Variants in HSPG2 observed in about 807,000 individuals in gnomAD.
HSPG2 encodes the protein heparan sulfate proteoglycan 2, also known as basement membrane-specific heparan sulfate proteoglycan core protein.
HSPG2 carries 278 observed loss-of-function variants against 526.6 expected under a neutral mutation model. The observed-to-expected ratio is 0.53, with a 90% CI of 0.48 to 0.58. The LOEUF (loss-of-function observed/expected upper bound fraction) is 0.58. Among genes scored for constraint, HSPG2 ranks in the 20% least tolerant of loss-of-function variants. The pLI is 0.00. For missense variants in HSPG2, 5,354 were observed against 6,099.5 expected (o/e 0.88, Z 4.07); for synonymous variants, 2,465 against 2,555.4 (o/e 0.96, Z 1.07).
rs1440244224 is a variant in HSPG2 at position 21,829,464 on chromosome 1, C to G, written c.11911G>C (p.Gly3971Arg). ...AAGTCCTCCACAGGCCCGCTCTTCCCCCCGCTGAACAGCAGGACCCCGTCA... is the reference window on the plus strand; with the variant it reads ...AAGTCCTCCACAGGCCCGCTCTTCCGCCCGCTGAACAGCAGGACCCCGTCA... Reference protein sequence around the residue: ...APDGVLLFSGGKSGPVEDFVS... With the variant: ...APDGVLLFSGRKSGPVEDFVS... Residue 3971 changes from glycine (G) to arginine (R), a missense_variant, in exon 87 of 97, where the codon GGG becomes CGG. Coordinates refer to ENST00000374695, the MANE Select transcript of HSPG2 (RefSeq NM_005529.7). 1.2e-6 allele frequency: 2 copies of G among 1,613,360 alleles called. No individual in the cohort carries two copies. The highest frequency in any genetic ancestry group is 1.7e-5 in the Admixed American group (1 of 60,026).
At chr1:21,830,690 CAAAAA>C (rs145627267) in intron 85 of HSPG2, 151 of 109,980 alleles carry the variant, frequency 1.4e-3, no homozygotes, top group South Asian at 2.8e-3. Flanking sequence ...AACTTCGTCT[CAAAAA>C]AAAAAAAAAA....
rs1460735170 is a variant in HSPG2, at chr1:21,822,440, C to T, written c.*876G>A. The stretch of plus-strand genomic sequence containing the variant: ...CCTCCTCTCTCTCTCAGTCGTGAGT[C>T]CTGCCTTCCCCCACCTAAGGCACTA... On this transcript the variant is annotated 3_prime_UTR_variant, in exon 97 of 97. Coordinates refer to ENST00000374695, the MANE Select transcript of HSPG2 (RefSeq NM_005529.7). 1 of 574,482 alleles carries T rather than the reference C, an allele frequency of 1.7e-6. No homozygotes were observed. Among genetic ancestry groups the T allele is most frequent in the Non-Finnish European group, 3.1e-6 (1 of 320,042 alleles). The allele number at this position is 574,482 out of a possible 1,614,324, so 35.6% of individuals were successfully genotyped here.
intron 1 of HSPG2, among the ~76,000 whole-genome samples, chr1:21,911,815 G>C (rs1363706820): frequency 6.6e-6 from 1 of 152,128 alleles, no homozygotes; most frequent in East Asian, 1.9e-4. Context: ...CTCAGCTGCC[G>C]GCCAGCCCAG....
intron 55 of HSPG2, chr1:21,851,228 C>T (rs1638869119): frequency 2.5e-6 from 1 of 397,780 alleles, no homozygotes; most frequent in Admixed American, 4.0e-5. Context: ...CCACCTCGGC[C>T]TCCCAAAGTG....
At chr1:21,831,429 C>A in intron 83 of HSPG2, 34 bp downstream of exon 83, 1 of 1,609,434 alleles carries the variant, frequency 6.2e-7, no homozygotes, top group Non-Finnish European at 8.5e-7. Flanking sequence ...CCAGGTAAGG[C>A]CCAGCCTCAG....
At chr1:21,851,083 C>T (rs963815712) in intron 55 of HSPG2, among the ~76,000 whole-genome samples, 1 of 151,968 alleles carries the variant, frequency 6.6e-6, no homozygotes, top group Non-Finnish European at 1.5e-5. Flanking sequence ...AGCGATTCTC[C>T]TGCCTCAGCT....
At chr1:21,924,118 T>G (rs1644120295) in intron 1 of HSPG2, among the ~76,000 whole-genome samples, 1 of 152,168 alleles carries the variant, frequency 6.6e-6, no homozygotes, top group Admixed American at 6.5e-5. Flanking sequence ...AGGGGCCATC[T>G]CCTTCATCTG....
chr1:21,842,196 G>A, intron 68 of HSPG2, 43 bp downstream of exon 68: 1 of 1,612,804 alleles, frequency 6.2e-7, no homozygotes, highest in Non-Finnish European at 8.5e-7. Context: ...TTAGCTTCAG[G>A]GCCCTCCCTT....
At chr1:21,876,148 C>A in intron 23 of HSPG2, 81 bp downstream of exon 23, 1 of 1,566,956 alleles carries the variant, frequency 6.4e-7, no homozygotes, top group Non-Finnish European at 8.7e-7. Context: ...CCCAAGGCAC[C>A]ACGACCCTCC....
intron 1 of HSPG2, among the ~76,000 whole-genome samples, chr1:21,921,054 A>G (rs978719404): frequency 4.6e-5 from 7 of 152,254 alleles, no homozygotes; most frequent in Non-Finnish European, 5.9e-5. Flanking sequence ...TAACAGTAAT[A>G]TAACAATTGC....
At chr1:21,866,064 A>G (rs910014466) in intron 33 of HSPG2, among the ~76,000 whole-genome samples, 1 of 152,162 alleles carries the variant, frequency 6.6e-6, no homozygotes, top group South Asian at 2.1e-4. Flanking sequence ...TCTATTCCCC[A>G]TTGCCTGACG....
At chr1:21,834,651 C>T (rs773340488) in intron 77 of HSPG2, 28 bp downstream of exon 77, 1 of 1,613,280 alleles carries the variant, frequency 6.2e-7, no homozygotes, top group Non-Finnish European at 8.5e-7. Flanking sequence ...CTCACTGTCC[C>T]CCAACAAAAG....
intron 80 of HSPG2, 167 bp downstream of exon 80, chr1:21,833,101 A>T: frequency 1.4e-6 from 1 of 691,912 alleles, no homozygotes; most frequent in Non-Finnish European, 2.6e-6. Flanking sequence ...GCACAAGAGA[A>T]GGCACACCAG....
chr1:21,885,758 T>C (rs1009209835), intron 9 of HSPG2, among the ~76,000 whole-genome samples: 5 of 152,000 alleles, frequency 3.3e-5, no homozygotes, highest in Non-Finnish European at 1.5e-5. Flanking sequence ...AAGCGCTATC[T>C]TGCTCACATG....
chr1:21,907,492 G>A (rs1161069373), intron 1 of HSPG2, among the ~76,000 whole-genome samples: 3 of 152,130 alleles, frequency 2.0e-5, no homozygotes, highest in African/African-American at 4.8e-5. Flanking sequence ...GCGGGGCACC[G>A]TTAGAGTTTG....
At chr1:21,841,853 T>C in intron 69 of HSPG2, 149 bp downstream of exon 69, 1 of 1,308,550 alleles carries the variant, frequency 7.6e-7, no homozygotes, top group South Asian at 1.2e-5. Flanking sequence ...GGTCCAGCGC[T>C]CTTGCCATAC....
In HSPG2 at chr1:21,839,915, C is replaced by T. The variant is rs773860532; in HGVS notation, c.9616G>A (p.Ala3206Thr). The change falls in exon 72 of 97, where the codon GCC (alanine) becomes ACC (threonine). Residue 3206 changes from alanine to threonine, a missense_variant. Ala to Thr is a moderately conservative substitution (Grantham distance 58). Coordinates refer to ENST00000374695, the MANE Select transcript of HSPG2 (RefSeq NM_005529.7). The surrounding 1 kb of genome is among the most constrained non-coding windows in gnomAD (Gnocchi z 4.5). ...ACCTGAGGGGCCCCTGGGGCCATGG[C>T]GCCCGTGTCCACGATCACCTCCACC... is the stretch of plus-strand genomic sequence containing the variant. ...KQVEVIVDTG[A>T]MAPGAPQVQA... The T allele has an allele frequency of 3.7e-5, 59 of 1,614,154 alleles. No individual in the cohort carries two copies. In the South Asian group the frequency reaches 4.1e-4, roughly 11 times the overall value.
Position 21,846,307 on chromosome 1 carries a change from T to C in HSPG2, c.8317-52A>G. 3.1e-6 allele frequency: 5 copies of C among 1,611,994 alleles called. No homozygotes were observed. The East Asian group carries it at 1.1e-4, about 36-fold the overall frequency. ...AGAGTCAGGTGCCAGTCTGGAACTG[T>C]TGAAGGCCTGGGGCCAGGGTCTAAC... On this transcript the variant is annotated intron_variant, in intron 63 of 96. Transcript: ENST00000374695.
At chr1:21,881,234 G>A (rs1300427924) in intron 14 of HSPG2, 105 bp downstream of exon 14, 16 of 1,363,480 alleles carry the variant, frequency 1.2e-5, no homozygotes, top group Middle Eastern at 1.8e-4. Flanking sequence ...TCGGGGCATG[G>A]TAACACCTTT....
Sources: gnomAD v4.1 joint callset for allele counts (sites outside exome capture counted in the v4.1 genomes callset) on GRCh38, gnomAD v4.1.1 for gene constraint, Gnocchi (gnomAD v3.1) non-coding constraint, MANE v1.5 for transcripts, NCBI Gene and HGNC (gene_info 2026-07-23, HGNC 2026-07-21) for gene names.